STPG2: variants seen among roughly 807,000 people sequenced by gnomAD.
The protein encoded by STPG2 is sperm tail PG-rich repeat containing 2.
Under a neutral mutation model 54.2 loss-of-function variants are expected in STPG2, and 56 were observed. The ratio of observed to expected loss-of-function variants is 1.03; its 90% CI spans 0.83 to 1.29. The LOEUF (loss-of-function observed/expected upper bound fraction) is 1.29, where lower values mean the gene tolerates loss of function less well. STPG2 is among the 50% of genes most tolerant of loss of function. The pLI is 0.00. For synonymous variants in STPG2, 200 were observed against 181.8 expected, an observed-to-expected ratio of 1.10 and a Z score of -0.81; for missense variants, 596 against 544.9, an observed-to-expected ratio of 1.09 and a Z score of -0.93.
chr4:98,031,602 T>G (rs1205386737), intron 5 of STPG2, among the ~76,000 whole-genome samples: 1 of 152,004 alleles, frequency 6.6e-6, no homozygotes, highest in East Asian at 1.9e-4. Context: ...GCAGAATCGC[T>G]TGAAACCGGA....
chr4:97,445,387 T>C (rs188109473), intron 4 of STPG2, among the ~76,000 whole-genome samples: 17 of 152,330 alleles, frequency 1.1e-4, no homozygotes, highest in Admixed American at 1.0e-3. Flanking sequence ...CACTGTCTAA[T>C]AGAACTATAA....
chr4:98,008,044 T>G (rs868632678), intron 5 of STPG2, among the ~76,000 whole-genome samples: 31 of 152,102 alleles, frequency 2.0e-4, no homozygotes, highest in African/African-American at 7.5e-4. Context: ...AAATAATTGA[T>G]GAAACTTCCC....
chr4:97,642,292 A>G (rs1203406060), intron 10 of STPG2, among the ~76,000 whole-genome samples: 1 of 151,360 alleles, frequency 6.6e-6, no homozygotes, highest in African/African-American at 2.4e-5. Context: ...TATGCCATTA[A>G]ACATGCTTTA....
chr4:97,462,627 T>C (rs966508401), intron 4 of STPG2, among the ~76,000 whole-genome samples: 1 of 152,050 alleles, frequency 6.6e-6, no homozygotes, highest in East Asian at 1.9e-4. Context: ...CATCTTTTGT[T>C]AGTTCTTTTT....
intron 10 of STPG2, among the ~76,000 whole-genome samples, chr4:97,653,905 G>T (rs1722143794): frequency 6.6e-6 from 1 of 152,174 alleles, no homozygotes; most frequent in Non-Finnish European, 1.5e-5. Context: ...ACTGCAGGTG[G>T]TAACAGTTTG....
At chr4:98,098,957 G>A (rs961497786) in intron 5 of STPG2, among the ~76,000 whole-genome samples, 8 of 151,794 alleles carry the variant, frequency 5.3e-5, no homozygotes, top group Non-Finnish European at 1.2e-4. Context: ...TTTTCTAAAA[G>A]TCAAATGCTG....
intron 8 of STPG2, among the ~76,000 whole-genome samples, chr4:97,938,663 T>A (rs780304234): frequency 6.6e-6 from 1 of 152,184 alleles, no homozygotes; most frequent in South Asian, 2.1e-4. Flanking sequence ...CTTCCCAGGC[T>A]GGATGGCACG....
At chr4:97,796,482 G>A (rs1375974823) in intron 9 of STPG2, among the ~76,000 whole-genome samples, 1 of 152,104 alleles carries the variant, frequency 6.6e-6, no homozygotes, top group Non-Finnish European at 1.5e-5. Flanking sequence ...TCTTGTTTGT[G>A]TCAGGTTTGT....
At chr4:97,688,507 C>CT (rs1723268746) in intron 10 of STPG2, among the ~76,000 whole-genome samples, 1 of 152,130 alleles carries the variant, frequency 6.6e-6, no homozygotes, top group Non-Finnish European at 1.5e-5. Flanking sequence ...GCTGGGACTA[C>CT]AGGCACCCGC....
intron 9 of STPG2, among the ~76,000 whole-genome samples, chr4:97,754,758 A>T (rs1041332618): frequency 2.0e-5 from 3 of 152,138 alleles, no homozygotes; most frequent in African/African-American, 4.8e-5. Flanking sequence ...TGTCAAAAAA[A>T]TTGAGGCAAT....
At chr4:97,734,204 T>G (rs974735502) in intron 9 of STPG2, among the ~76,000 whole-genome samples, 1 of 152,218 alleles carries the variant, frequency 6.6e-6, no homozygotes, top group Non-Finnish European at 1.5e-5. Context: ...TGTTGAGAAT[T>G]TTTAATTATA....
At chr4:97,805,195 C>T (rs1727517384) in intron 9 of STPG2, among the ~76,000 whole-genome samples, 1 of 152,014 alleles carries the variant, frequency 6.6e-6, no homozygotes, top group Non-Finnish European at 1.5e-5. Context: ...CTAACAAATA[C>T]TCTTCTAATT....
intron 8 of STPG2, among the ~76,000 whole-genome samples, chr4:97,852,466 ATGTGGAAGGACACTG>A (rs1729190689): frequency 6.6e-6 from 1 of 152,146 alleles, no homozygotes; most frequent in African/African-American, 2.4e-5. Context: ...ACCATGAAGT[ATGTGGAAGGACACTG>A]TGCACAAGGC....
intron 4 of STPG2, among the ~76,000 whole-genome samples, chr4:97,530,192 T>C (rs1223346759): frequency 6.6e-6 from 1 of 152,204 alleles, no homozygotes; most frequent in East Asian, 1.9e-4. Flanking sequence ...TTGCAACTTG[T>C]GGCTCTGCCA....
chr4:97,881,618 T>C (rs1390601692), intron 8 of STPG2, among the ~76,000 whole-genome samples: 1 of 152,092 alleles, frequency 6.6e-6, no homozygotes, highest in African/African-American at 2.4e-5. Context: ...GAAAATAACA[T>C]TCAGAAACAA....
At chr4:97,813,870 T>A (rs147285415) in intron 9 of STPG2, among the ~76,000 whole-genome samples, 131 of 152,030 alleles carry the variant, frequency 8.6e-4, no homozygotes, top group African/African-American at 3.0e-3. Flanking sequence ...AAATTGAGAA[T>A]CCTGCTAATA....
intron 4 of STPG2, among the ~76,000 whole-genome samples, chr4:97,451,468 T>G (rs1729362031): frequency 6.6e-6 from 1 of 152,100 alleles, no homozygotes; most frequent in African/African-American, 2.4e-5. Flanking sequence ...TTAAGAAGTT[T>G]AGTTTCAAAA....
chr4:97,508,228 G>A (rs1174242593), intron 4 of STPG2, among the ~76,000 whole-genome samples: 2 of 151,942 alleles, frequency 1.3e-5, no homozygotes, highest in African/African-American at 4.8e-5. Context: ...AATAATTTAT[G>A]AAATAGGCAT....
chr4:97,661,573 T>C (rs554862195), intron 10 of STPG2, among the ~76,000 whole-genome samples: 74 of 152,264 alleles, frequency 4.9e-4, no homozygotes, highest in African/African-American at 1.7e-3. Flanking sequence ...ATACAGGATA[T>C]TGGCCATCAA....
Sources: gnomAD v4.1 joint callset for allele counts (sites outside exome capture counted in the v4.1 genomes callset) on GRCh38, gnomAD v4.1.1 for gene constraint, MANE v1.5 for transcripts, NCBI Gene and HGNC (gene_info 2026-07-23, HGNC 2026-07-21) for gene names.